Variants in MS4A5 observed in about 807,000 individuals in gnomAD.
MS4A5 encodes membrane spanning 4-domains A5.
MS4A5 carries 15 observed loss-of-function variants against 18.2 expected under a neutral mutation model. The observed-to-expected ratio is 0.83, with a 90% CI of 0.55 to 1.27. The LOEUF (loss-of-function observed/expected upper bound fraction) is 1.27, where lower values mean the gene tolerates loss of function less well. MS4A5 is among the 50% of genes most tolerant of loss of function. The pLI, the probability that MS4A5 is intolerant of heterozygous loss-of-function variation, is 0.00. For missense variants in MS4A5, 232 were observed against 225.7 expected (o/e 1.03, Z -0.18); for synonymous variants, 89 against 78.7 (o/e 1.13, Z -0.69).
intron 3 of MS4A5, among the ~76,000 whole-genome samples, chr11:60,432,766 T>C (rs1317686327): frequency 1.1e-5 from 1 of 90,754 alleles, no homozygotes; most frequent in Non-Finnish European, 2.4e-5. Flanking sequence ...AAAGACTCCA[T>C]CTCAAAAAAA....
In MS4A5 at chr11:60,434,641, T is replaced by A. The variant is rs1590831367; in HGVS notation, c.492+724T>A. Among the ~76,000 whole-genome samples the A allele has an allele frequency of 2.0e-5, 3 of 152,178 alleles. No homozygotes were observed. In the South Asian group the frequency reaches 6.2e-4, roughly 31 times the overall value. On this transcript the variant is annotated intron_variant, in intron 4 of 4. Transcript: ENST00000300190. The stretch of plus-strand genomic sequence containing the variant: ...AACTCTTCTCTGAAAACAGAAGTCT[T>A]TTTATTAAAAAACAAAACAACCTTA...
chr11:60,430,618 T>A (rs925303029), intron 1 of MS4A5, among the ~76,000 whole-genome samples, 178 bp from the exon 2 acceptor site: 1 of 152,192 alleles, frequency 6.6e-6, no homozygotes, highest in Non-Finnish European at 1.5e-5. Context: ...TATCACCAAA[T>A]ACCAGATAGA....
intron 4 of MS4A5, among the ~76,000 whole-genome samples, chr11:60,441,314 A>T (rs59659278): frequency 0.4 from 37,560 of 93,314 alleles, 7,208 homozygotes; most frequent in Middle Eastern, 0.59. Flanking sequence ...GCATCGGGAG[A>T]TATACCTAAT....
At chr11:60,435,640 T>C (rs1472306472) in intron 4 of MS4A5, 3 of 237,462 alleles carry the variant, frequency 1.3e-5, no homozygotes, top group Non-Finnish European at 2.5e-5. Context: ...GGTCAGGGAG[T>C]TCCCTTTCTG....
intron 4 of MS4A5, among the ~76,000 whole-genome samples, chr11:60,442,378 A>G (rs2086117707): frequency 1.3e-5 from 2 of 152,180 alleles, no homozygotes. Flanking sequence ...TTCTCAGCAA[A>G]CTAAGACAGG....
chr11:60,445,691 T>C (rs964065364), intron 4 of MS4A5, among the ~76,000 whole-genome samples: 2 of 152,090 alleles, frequency 1.3e-5, no homozygotes, highest in South Asian at 4.1e-4. Context: ...CAAGAAAAAA[T>C]TTTCTTTTTA....
chr11:60,431,032 T>C (rs2086046088), intron 2 of MS4A5, 108 bp downstream of exon 2: 1 of 1,204,918 alleles, frequency 8.3e-7, no homozygotes, highest in East Asian at 2.4e-5. Context: ...CTTTCAAAAG[T>C]GCAAAAAACT....
At chr11:60,437,573 G>C (rs1317033158) in intron 4 of MS4A5, among the ~76,000 whole-genome samples, 4 of 152,050 alleles carry the variant, frequency 2.6e-5, no homozygotes, top group Non-Finnish European at 4.4e-5. Flanking sequence ...AAAGGATGGA[G>C]GAAGTTCTAC....
intron 4 of MS4A5, among the ~76,000 whole-genome samples, chr11:60,442,629 A>G (rs529890373): frequency 1.7e-3 from 253 of 152,306 alleles, no homozygotes; most frequent in African/African-American, 5.7e-3. Flanking sequence ...CGTCCTGCAC[A>G]TGTATCCCAG....
chr11:60,442,456 C>CA (rs1404127594), intron 4 of MS4A5, among the ~76,000 whole-genome samples: 1 of 152,032 alleles, frequency 6.6e-6, no homozygotes, highest in African/African-American at 2.4e-5. Flanking sequence ...GACATGGACA[C>CA]AGGGAAGGGA....
intron 4 of MS4A5, among the ~76,000 whole-genome samples, chr11:60,439,203 A>G (rs1248230862): frequency 4.8e-5 from 6 of 125,242 alleles, no homozygotes; most frequent in East Asian, 2.4e-4. Context: ...ATGCAGAAAA[A>G]GCCTTTGACA....
Position 60,441,458 on chromosome 11 carries a change from AAAAAAAAAAG to A in MS4A5, c.493-6177_493-6168del, listed in dbSNP as rs1199847111. On this transcript the variant is annotated intron_variant, in intron 4 of 4. Transcript: ENST00000300190. ...AAAAAGAAAAAGAAAAAGGCCATTA[AAAAAAAAAAG>A]AAAAAAAAAGAAAGGAGATAAGCCA... 1.2e-3 allele frequency among the ~76,000 whole-genome samples: 164 copies of A among 134,624 alleles called. 2 individuals are homozygous for A. Among genetic ancestry groups the A allele is most frequent in the South Asian group, 6.2e-3 (27 of 4,324 alleles). The allele number at this position is 134,624 out of a possible 152,430, so 88.3% of individuals were successfully genotyped here. A position where few individuals can be genotyped will look rare whatever the true frequency, so the allele number is the denominator to read the frequency against.
In MS4A5 at chr11:60,443,727, C is replaced by G. The variant is rs373207473; in HGVS notation, c.493-3922C>G. On this transcript the variant is annotated intron_variant, in intron 4 of 4. Transcript: ENST00000300190. The stretch of plus-strand genomic sequence containing the variant: ...TTGAAAAACTAATAAAATTGGTAAA[C>G]CCCTAGATATTTAAAAAGAAAAAAG... Among the ~76,000 whole-genome samples the G allele has an allele frequency of 2.6e-4, 39 of 151,732 alleles. No individual in the cohort carries two copies. In the South Asian group the frequency reaches 7.9e-3, roughly 31 times the overall value.
intron 4 of MS4A5, 80 bp downstream of exon 4, chr11:60,433,997 G>A (rs2086065466): frequency 3.2e-6 from 4 of 1,253,784 alleles, no homozygotes; most frequent in East Asian, 2.4e-5. Context: ...GCACCATTCA[G>A]ATCATGTTGT....
chr11:60,444,096 T>A (rs539693404), intron 4 of MS4A5, among the ~76,000 whole-genome samples: 285 of 152,276 alleles, frequency 1.9e-3, no homozygotes, highest in Middle Eastern at 6.8e-3. Context: ...ACTTCCCAAC[T>A]CACGAGTATT....
chr11:60,440,536 G>A (rs2086105114), intron 4 of MS4A5, among the ~76,000 whole-genome samples: 2 of 132,316 alleles, frequency 1.5e-5, no homozygotes, highest in Admixed American at 7.9e-5. Flanking sequence ...ATCTGACAAA[G>A]GGCTAATATC....
intron 4 of MS4A5, among the ~76,000 whole-genome samples, chr11:60,436,330 C>A (rs569450256): frequency 7.1e-6 from 1 of 140,574 alleles, no homozygotes; most frequent in Non-Finnish European, 1.6e-5. Flanking sequence ...GGGGAAAAAA[C>A]AGAACAGAAA....
chr11:60,431,860 G>A (rs1236386027), intron 2 of MS4A5, among the ~76,000 whole-genome samples: 3 of 152,176 alleles, frequency 2.0e-5, no homozygotes, highest in Non-Finnish European at 4.4e-5. Flanking sequence ...GATGAGGCTG[G>A]AAAATACCCA....
At chr11:60,435,901 T>C (rs914006705) in intron 4 of MS4A5, among the ~76,000 whole-genome samples, 59 of 152,354 alleles carry the variant, frequency 3.9e-4, no homozygotes, top group Middle Eastern at 3.4e-3. Context: ...ACAAAGCAGC[T>C]GGGAAGCTCC....
Sources: allele counts gnomAD v4.1 joint callset (sites outside exome capture counted in the v4.1 genomes callset), GRCh38; gene constraint gnomAD v4.1.1; transcripts MANE v1.5; gene names NCBI Gene and HGNC (gene_info 2026-07-23, HGNC 2026-07-21).